Variants in DGKA observed in about 807,000 individuals in gnomAD.
DGKA encodes the protein 80 kDa diacylglycerol kinase.
DGKA carries 35 observed loss-of-function variants against 105.0 expected under a neutral mutation model. That is an observed-to-expected ratio of 0.33 (90% CI 0.25 to 0.44). The LOEUF (loss-of-function observed/expected upper bound fraction) is 0.44, where lower values mean the gene tolerates loss of function less well. Among genes scored for constraint, DGKA ranks in the 20% least tolerant of loss-of-function variants. The pLI, the probability that DGKA is intolerant of heterozygous loss-of-function variation, is 1.00. For synonymous variants in DGKA, 296 were observed against 332.0 expected (o/e 0.89, Z 1.18); for missense variants, 665 against 915.0 (o/e 0.73, Z 3.53).
chr12:55,934,783 A>G (rs1355710053), intron 1 of DGKA, among the ~76,000 whole-genome samples: 1 of 152,220 alleles, frequency 6.6e-6, no homozygotes, highest in Non-Finnish European at 1.5e-5. Flanking sequence ...ATTCCCATGT[A>G]ACCATATTTG....
chr12:55,953,386 A>G lies in DGKA; in HGVS notation c.2100A>G (p.Glu700=). Residue 700 remains glutamate, a synonymous_variant, in exon 23 of 24, where the codon GAA becomes GAG. Coordinates refer to ENST00000331886, the MANE Select transcript of DGKA (RefSeq NM_001345.5). ...TKTLPMQIDG[E]PWMQTPCTIK... is the part of the protein sequence containing the mutation. ...CCCTTCCCATGCAAATTGACGGAGA[A>G]CCCTGGATGCAGACGCCCTGTACAG... 1 of 1,614,114 alleles carries G rather than the reference A, an allele frequency of 6.2e-7. No individual in the cohort carries two copies. Among genetic ancestry groups the G allele is most frequent in the Non-Finnish European group, 8.5e-7 (1 of 1,180,004 alleles).
chr12:55,932,804 G>T lies in DGKA; in HGVS notation c.-82+1460G>T. On this transcript the variant is annotated intron_variant, in intron 1 of 23. Transcript: ENST00000331886. The surrounding 1 kb of genome is among the most constrained non-coding windows in gnomAD (Gnocchi z 4.3). ...TTTGTGGAGGCTTAATAAGTTTTGA[G>T]GCTTCAAGCAAATGATTCCCTCTTG... The T allele has an allele frequency of 3.6e-6, 2 of 548,278 alleles. No individual in the cohort carries two copies. Among genetic ancestry groups the T allele is most frequent in the Non-Finnish European group, 6.6e-6 (2 of 304,886 alleles). 34.0% of individuals were successfully genotyped at this position (548,278 alleles called of 1,614,324 possible).
In DGKA at chr12:55,940,978, C is replaced by T. The variant is rs868737013; in HGVS notation, c.1099C>T (p.Arg367Trp). Residue 367 changes from arginine (R) to tryptophan (W), a missense_variant and splice_region_variant, in exon 13 of 24, where the codon CGG (arginine) becomes TGG (tryptophan). This residue lies in a region of DGKA where 504 missense variants were observed against 681.2 expected (regional missense o/e 0.74). Coordinates refer to ENST00000331886, the MANE Select transcript of DGKA (RefSeq NM_001345.5). This position sits in a 1 kb window ranked among gnomAD's most constrained non-coding sequence, Gnocchi z 4.3. ...AAATTTGAGCACCTCTGAGGCTCTG[C>T]GGGTACAGGGCTGAGAGTCTTGGGC... ...DLNLSTSEAL[R>W]IDPVPNTHPL... is the part of the protein sequence containing the mutation. The T allele has an allele frequency of 3.7e-6, 6 of 1,613,490 alleles. No individual in the cohort carries two copies. The highest frequency in any genetic ancestry group is 5.1e-6 in the Non-Finnish European group (6 of 1,179,682).
chr12:55,932,103 C>A lies in DGKA; in HGVS notation c.-82+759C>A. ...TCCAGCGCCGGCGCTTCAGCTGCGA[C>A]CGCGAGCCCTCTCAAGCAAGGTAGA... On this transcript the variant is annotated intron_variant, in intron 1 of 23. Coordinates refer to ENST00000331886, the MANE Select transcript of DGKA (RefSeq NM_001345.5). This position sits in a 1 kb window ranked among gnomAD's most constrained non-coding sequence, Gnocchi z 4.3. The A allele has an allele frequency of 5.9e-6, 1 of 168,784 alleles. No individual in the cohort carries two copies. Among genetic ancestry groups the A allele is most frequent in the Non-Finnish European group, 1.3e-5 (1 of 76,642 alleles). 10.5% of individuals were successfully genotyped at this position (168,784 alleles called of 1,614,324 possible).
rs1490661969 is a variant in DGKA, at chr12:55,940,742, C to T, written c.1017+20C>T. On this transcript the variant is annotated intron_variant, in intron 12 of 23. Transcript: ENST00000331886. This position sits in a 1 kb window ranked among gnomAD's most constrained non-coding sequence, Gnocchi z 4.3. ...GTCCTGGTGAGACCCTCGGCAGCAG[C>T]GGGGAGGGGACAGGAGTGCCTCCCC... 16 of 1,611,262 alleles carry T rather than the reference C, an allele frequency of 9.9e-6. No homozygotes were observed. Among genetic ancestry groups the T allele is most frequent in the East Asian group, 8.9e-5 (4 of 44,888 alleles).
Position 55,932,692 on chromosome 12 carries a change from TACACACACACACACACGCACACACAC to T in DGKA, c.-82+1365_-82+1390del, listed in dbSNP as rs1225349498. On this transcript the variant is annotated intron_variant, in intron 1 of 23. Coordinates refer to ENST00000331886, the MANE Select transcript of DGKA (RefSeq NM_001345.5). The surrounding 1 kb of genome is among the most constrained non-coding windows in gnomAD (Gnocchi z 4.3). Reference sequence around the variant, plus strand: ...TCCTATACTACGCAATGACACCCTCTACACACACACACACACGCACACACACACACACACACACACACACACACAAC... The same window carrying T: ...TCCTATACTACGCAATGACACCCTCTACACACACACACACACACACACAAC... 21 of 580,782 alleles carry T rather than the reference TACACACACACACACACGCACACACAC, an allele frequency of 3.6e-5. No individual in the cohort carries two copies. Among genetic ancestry groups the T allele is most frequent in the African/African-American group, 6.4e-5 (3 of 46,534 alleles). 36.0% of individuals were successfully genotyped at this position (580,782 alleles called of 1,614,324 possible).
At chr12:55,953,469 C>T (rs1888573898) in intron 23 of DGKA, 59 bp downstream of exon 23, 2 of 1,551,626 alleles carry the variant, frequency 1.3e-6, no homozygotes, top group Admixed American at 1.7e-5. Context: ...ATCCTAAATC[C>T]CCATTCCACA....
intron 17 of DGKA, among the ~76,000 whole-genome samples, chr12:55,944,358 C>A (rs1258646937): frequency 1.3e-5 from 2 of 152,156 alleles, no homozygotes; most frequent in East Asian, 3.9e-4. Flanking sequence ...CCTATAGTCC[C>A]AGCTGAGGCT....
In DGKA at chr12:55,940,894, C is replaced by T; in HGVS notation, c.1018-3C>T. On this transcript the variant is annotated splice_region_variant and splice_polypyrimidine_tract_variant and intron_variant, in intron 12 of 23. Transcript: ENST00000331886. The surrounding 1 kb of genome is among the most constrained non-coding windows in gnomAD (Gnocchi z 4.3). ...TCTTCCCTCTACTTTCTTCCCCTCC[C>T]AGGCCTCTGGACCGGATCGTAAAAA... 6.2e-7 allele frequency: 1 copy of T among 1,614,056 alleles called. No individual in the cohort carries two copies. The highest frequency in any genetic ancestry group is 1.1e-5 in the South Asian group (1 of 91,032).
Position 55,940,308 on chromosome 12 carries a change from C to T in DGKA, c.799-6C>T. The T allele has an allele frequency of 6.2e-7, 1 of 1,614,260 alleles. No individual in the cohort carries two copies. Among genetic ancestry groups the T allele is most frequent in the East Asian group, 2.2e-5 (1 of 44,886 alleles). ...TGCCAGACAAGGAACTGCCTTTCTC[C>T]CCAAGGTCCAATCACATGTGTGGGT... is the stretch of plus-strand genomic sequence containing the variant. On this transcript the variant is annotated splice_region_variant and splice_polypyrimidine_tract_variant and intron_variant, in intron 10 of 23. Coordinates refer to ENST00000331886, the MANE Select transcript of DGKA (RefSeq NM_001345.5). The surrounding 1 kb of genome is among the most constrained non-coding windows in gnomAD (Gnocchi z 4.3).
At chr12:55,939,926 G>T in intron 9 of DGKA, 156 bp from the exon 10 acceptor site, 1 of 664,348 alleles carries the variant, frequency 1.5e-6, no homozygotes. Flanking sequence ...GTAAGGAAAA[G>T]GCGTGGGTTT....
At chr12:55,941,900 C>A in intron 15 of DGKA, 98 bp from the exon 16 acceptor site, 1 of 1,251,430 alleles carries the variant, frequency 8.0e-7, no homozygotes, top group South Asian at 1.2e-5. Flanking sequence ...GGAGGAGGGT[C>A]CTACGGAATG....
chr12:55,950,408 G>A (rs1410866074), intron 17 of DGKA, among the ~76,000 whole-genome samples: 1 of 151,872 alleles, frequency 6.6e-6, no homozygotes, highest in Non-Finnish European at 1.5e-5. Flanking sequence ...CTGGGTTCAC[G>A]CCATTCTCCT....
chr12:55,940,375 A>G lies in DGKA; in HGVS notation c.860A>G (p.Lys287Arg), dbSNP rs1306190927. The change falls in exon 11 of 24, where the codon AAA (lysine) becomes AGA (arginine). Residue 287 changes from lysine (K) to arginine (R), a missense_variant. Around this residue, in one of 3 missense-constraint regions of DGKA, gnomAD observed 504 missense variants for 681.2 expected, o/e 0.74. Coordinates refer to ENST00000331886, the MANE Select transcript of DGKA (RefSeq NM_001345.5). The surrounding 1 kb of genome is among the most constrained non-coding windows in gnomAD (Gnocchi z 4.3). The part of the protein sequence containing the change: ...CESGRCDRCQ[K>R]KIRIYHSLTG... ...TCCGGGCGCTGCGACCGCTGTCAGA[A>G]AAAGATCCGGATCTACCACAGTCTG... The G allele has an allele frequency of 3.7e-6, 6 of 1,614,238 alleles. No homozygotes were observed. Among genetic ancestry groups the G allele is most frequent in the East Asian group, 2.2e-5 (1 of 44,888 alleles).
At chr12:55,944,569 T>A (rs1886645614) in intron 17 of DGKA, among the ~76,000 whole-genome samples, 1 of 152,122 alleles carries the variant, frequency 6.6e-6, no homozygotes, top group South Asian at 2.1e-4. Context: ...GAAGATGGAT[T>A]GTAGGAAGGA....
At chr12:55,929,444 A>G (rs1417682109), upstream of DGKA, 1 of 152,018 alleles carries the variant, frequency 6.6e-6, no homozygotes, top group African/African-American at 2.4e-5. Flanking sequence ...TTCACTACCA[A>G]CCCTAGGCCC....
At chr12:55,947,430 TC>T (rs1887267640) in intron 17 of DGKA, among the ~76,000 whole-genome samples, 1 of 152,252 alleles carries the variant, frequency 6.6e-6, no homozygotes, top group Non-Finnish European at 1.5e-5. Flanking sequence ...TGGGGGCTGT[TC>T]CTCCATGTTT....
At chr12:55,941,396 G>C (rs1885955015) in intron 14 of DGKA, 71 bp downstream of exon 14, 1 of 1,588,526 alleles carries the variant, frequency 6.3e-7, no homozygotes, top group African/African-American at 1.3e-5. Context: ...AAGGTGGAAG[G>C]GGATGTGTGT....
At chr12:55,927,812 G>A, upstream of DGKA, 2 of 1,522,062 alleles carry the variant, frequency 1.3e-6, no homozygotes, top group Non-Finnish European at 8.8e-7. Context: ...GCCTGGCTCT[G>A]CCCCGCTGGG....
Sources: gnomAD v4.1 joint callset for allele counts (sites outside exome capture counted in the v4.1 genomes callset) on GRCh38, gnomAD v4.1.1 for gene constraint, gnomAD v4.1.1 regional missense constraint, Gnocchi (gnomAD v3.1) non-coding constraint, MANE v1.5 for transcripts, NCBI Gene and HGNC (gene_info 2026-07-23, HGNC 2026-07-21) for gene names.